IFI27L1: variants seen among roughly 807,000 people sequenced by gnomAD.
IFI27L1 encodes the protein interferon alpha-inducible protein 27-like protein 1.
Under a neutral mutation model 9.2 loss-of-function variants are expected in IFI27L1, and 3 were observed. The ratio of observed to expected loss-of-function variants is 0.32; its 90% CI spans 0.15 to 0.84. IFI27L1 has a LOEUF of 0.84. IFI27L1 is among the 40% of genes least tolerant of loss of function. The pLI, the probability that IFI27L1 is intolerant of heterozygous loss-of-function variation, is 0.56. For synonymous variants in IFI27L1, 53 were observed against 50.0 expected (o/e 1.06, Z -0.26); for missense variants, 133 against 134.2 (o/e 0.99, Z 0.05).
intron 1 of IFI27L1, among the ~76,000 whole-genome samples, chr14:94,093,851 G>A (rs1329886544): frequency 6.6e-6 from 1 of 152,140 alleles, no homozygotes; most frequent in Admixed American, 6.5e-5. Context: ...CAGTGCTCAG[G>A]AGCTTGGTAA....
At chr14:94,100,661 TGGGGG>T in intron 2 of IFI27L1, 73 bp from the exon 3 acceptor site, 1 of 1,600,280 alleles carries the variant, frequency 6.2e-7, no homozygotes, top group African/African-American at 1.3e-5. Context: ...GAATTTGAGA[TGGGGG>T]TATCAGAGAG....
At chr14:94,091,027 T>C (rs1886457377) in intron 1 of IFI27L1, among the ~76,000 whole-genome samples, 1 of 152,160 alleles carries the variant, frequency 6.6e-6, no homozygotes, top group Admixed American at 6.5e-5. Context: ...GTCAGAAAGA[T>C]TGGTTCAGAC....
At chr14:94,088,348 T>G (rs1398262348) in intron 1 of IFI27L1, 2 of 702,154 alleles carry the variant, frequency 2.8e-6, no homozygotes, top group Non-Finnish European at 5.2e-6. Flanking sequence ...AGCCAACAGG[T>G]GTGGCAGTGG....
At chr14:94,084,717 G>A (rs142533070) in intron 1 of IFI27L1, among the ~76,000 whole-genome samples, 2,258 of 152,238 alleles carry the variant, frequency 0.015, 63 homozygotes, top group African/African-American at 0.051. Flanking sequence ...GGAACAACAC[G>A]TTTTACGACT....
At chr14:94,089,928 T>A (rs1276639099) in intron 1 of IFI27L1, among the ~76,000 whole-genome samples, 1 of 152,162 alleles carries the variant, frequency 6.6e-6, no homozygotes, top group Non-Finnish European at 1.5e-5. Flanking sequence ...AACTCTTGAG[T>A]TCCGACAAAA....
intron 1 of IFI27L1, among the ~76,000 whole-genome samples, chr14:94,093,433 A>G (rs1595392845): frequency 6.6e-6 from 1 of 151,924 alleles, no homozygotes; most frequent in East Asian, 1.9e-4. Flanking sequence ...AGCCTTCCAA[A>G]TTGTTGGGAT....
intron 1 of IFI27L1, among the ~76,000 whole-genome samples, chr14:94,082,026 C>G (rs1886125124): frequency 6.6e-6 from 1 of 152,172 alleles, no homozygotes; most frequent in Admixed American, 6.5e-5. Flanking sequence ...AGGCTGAAAG[C>G]TAGGCTGAAA....
intron 1 of IFI27L1, among the ~76,000 whole-genome samples, chr14:94,091,966 A>G (rs1044798648): frequency 6.6e-6 from 1 of 151,826 alleles, no homozygotes; most frequent in Non-Finnish European, 1.5e-5. Context: ...TCTACTAAAA[A>G]TACAAAAAAA....
At chr14:94,086,470 A>G (rs1487363769) in intron 1 of IFI27L1, among the ~76,000 whole-genome samples, 1 of 152,224 alleles carries the variant, frequency 6.6e-6, no homozygotes, top group Admixed American at 6.5e-5. Context: ...AACAATATCT[A>G]ATGAACCATT....
intron 1 of IFI27L1, among the ~76,000 whole-genome samples, chr14:94,093,167 CT>C (rs66928480): frequency 1.5e-3 from 194 of 125,432 alleles, no homozygotes; most frequent in African/African-American, 2.2e-3. Flanking sequence ...CATTTCTTTT[CT>C]TTTTTTTTTT....
chr14:94,088,265 C>T (rs1275585535), intron 1 of IFI27L1: 2 of 702,160 alleles, frequency 2.8e-6, no homozygotes, highest in African/African-American at 3.5e-5. Context: ...AGCAGAGTCC[C>T]AGGATCCATT....
chr14:94,087,268 A>T (rs746095443), intron 1 of IFI27L1, among the ~76,000 whole-genome samples: 1 of 152,104 alleles, frequency 6.6e-6, no homozygotes, highest in Non-Finnish European at 1.5e-5. Context: ...TCACGGAAGT[A>T]TTTTTTGTGT....
intron 1 of IFI27L1, 189 bp from the exon 2 acceptor site, chr14:94,096,695 GAAA>G (rs11324210): frequency 6.4e-3 from 1,823 of 287,054 alleles, no homozygotes; most frequent in South Asian, 0.013. Flanking sequence ...CTCTGTCTCA[GAAA>G]AAAAAAAAAA....
chr14:94,089,463 T>C (rs1254949667), intron 1 of IFI27L1, among the ~76,000 whole-genome samples: 1 of 152,198 alleles, frequency 6.6e-6, no homozygotes, highest in Non-Finnish European at 1.5e-5. Context: ...AGCATGCTAA[T>C]GCATTATAAT....
At position 94,100,907 on chromosome 14, in the gene IFI27L1, A is replaced by T. The variant is rs980678708; in HGVS notation, c.61+136A>T. ...GGGTAGCGGTGGAGTGGGCAGAGTG[A>T]TGGGGACCTTAGAGCAGCAGGAAGC... On this transcript the variant is annotated intron_variant, in intron 3 of 4. Transcript: ENST00000555523. 9 of 944,886 alleles carry T rather than the reference A, an allele frequency of 9.5e-6. No homozygotes were observed. The African/African-American group carries it at 1.4e-4, about 15-fold the overall frequency. The allele number at this position is 944,886 out of a possible 1,614,324, so 58.5% of individuals were successfully genotyped here.
intron 1 of IFI27L1, among the ~76,000 whole-genome samples, chr14:94,086,059 G>A (rs1464700120): frequency 6.6e-5 from 10 of 152,328 alleles, no homozygotes; most frequent in African/African-American, 2.2e-4. Flanking sequence ...TGGAGTTGGG[G>A]TCTGGTGGGA....
At chr14:94,100,694 T>C in intron 2 of IFI27L1, 45 bp from the exon 3 acceptor site, 1 of 1,609,210 alleles carries the variant, frequency 6.2e-7, no homozygotes, top group East Asian at 2.2e-5. Context: ...TCCCATAGGT[T>C]TGTGTTTGTT....
chr14:94,100,616 A>G lies in IFI27L1; in HGVS notation c.29-123A>G, dbSNP rs962004377. 10 of 1,578,426 alleles carry G rather than the reference A, an allele frequency of 6.3e-6. No individual in the cohort carries two copies. In the African/African-American group the frequency reaches 8.0e-5, roughly 13 times the overall value. Reference sequence around the variant, plus strand: ...CTCTGACCTATGGCCTAGGATGAGTAGGGGGCTTCAGAAGAGGGAAAGAAT... The same window carrying G: ...CTCTGACCTATGGCCTAGGATGAGTGGGGGGCTTCAGAAGAGGGAAAGAAT... On this transcript the variant is annotated intron_variant, in intron 2 of 4. Coordinates refer to ENST00000555523, the MANE Select transcript of IFI27L1 (RefSeq NM_206949.3).
At chr14:94,098,123 T>C (rs1175354815) in intron 2 of IFI27L1, among the ~76,000 whole-genome samples, 1 of 152,108 alleles carries the variant, frequency 6.6e-6, no homozygotes, top group Non-Finnish European at 1.5e-5. Context: ...GGAAGATGTG[T>C]CGGCTTCTAG....
Sources: allele counts gnomAD v4.1 joint callset (sites outside exome capture counted in the v4.1 genomes callset), GRCh38; gene constraint gnomAD v4.1.1; transcripts MANE v1.5; gene names NCBI Gene and HGNC (gene_info 2026-07-23, HGNC 2026-07-21).